DNAH11: variants seen among roughly 807,000 people sequenced by gnomAD.
DNAH11 encodes the protein axonemal beta dynein heavy chain 11.
DNAH11 carries 442 observed loss-of-function variants against 526.0 expected under a neutral mutation model. The observed-to-expected ratio is 0.84, with a 90% CI of 0.78 to 0.91. DNAH11 has a LOEUF of 0.91. Ranked by LOEUF, DNAH11 falls within the 40% of genes least tolerant of loss-of-function variation. DNAH11 has a pLI of 0.00. For synonymous variants in DNAH11, 2,461 were observed against 1,935.9 expected (o/e 1.27, Z -7.12); for missense variants, 6,989 against 5,448.7 (o/e 1.28, Z -8.90).
At chr7:21,793,191 T>C (rs1788550986) in intron 61 of DNAH11, among the ~76,000 whole-genome samples, 1 of 152,218 alleles carries the variant, frequency 6.6e-6, no homozygotes, top group Non-Finnish European at 1.5e-5. Flanking sequence ...TCCTCTTGTT[T>C]TTCATTTCTA....
chr7:21,599,694 G>T, intron 14 of DNAH11, 93 bp from the exon 15 acceptor site: 1 of 985,960 alleles, frequency 1.0e-6, no homozygotes, highest in Non-Finnish European at 1.4e-6. Flanking sequence ...CAACAATGCA[G>T]TCTCTTCTTT....
At chr7:21,586,912 A>G (rs568384149) in intron 9 of DNAH11, among the ~76,000 whole-genome samples, 1 of 152,172 alleles carries the variant, frequency 6.6e-6, no homozygotes, top group South Asian at 2.1e-4. Context: ...ACAAACCCGA[A>G]TGCTAGACTG....
chr7:21,625,532 C>T (rs1318308022), intron 25 of DNAH11, among the ~76,000 whole-genome samples: 2 of 151,854 alleles, frequency 1.3e-5, no homozygotes, highest in Non-Finnish European at 2.9e-5. Flanking sequence ...ATCATTTTTT[C>T]CTACTATTGA....
At chr7:21,778,465 G>A (rs1253329008) in intron 56 of DNAH11, among the ~76,000 whole-genome samples, 1 of 152,192 alleles carries the variant, frequency 6.6e-6, no homozygotes. Flanking sequence ...AGACCTATCA[G>A]TGGGCATTTT....
Position 21,875,688 on chromosome 7 carries a change from T to C in DNAH11, c.12195+2187T>C, listed in dbSNP as rs191507267. Among the ~76,000 whole-genome samples, 5 of 152,084 alleles carry C rather than the reference T, an allele frequency of 3.3e-5. No homozygotes were observed. In the East Asian group the frequency reaches 7.7e-4, roughly 23 times the overall value. Reference sequence around the variant, plus strand: ...AAAATAATAATAAGTGTTAAAAATATGTTGCATATAATGATAAAGATTCAC... The same window carrying C: ...AAAATAATAATAAGTGTTAAAAATACGTTGCATATAATGATAAAGATTCAC... On this transcript the variant is annotated intron_variant, in intron 74 of 81. Transcript: ENST00000409508.
chr7:21,650,457 T>C (rs940817826), intron 28 of DNAH11, among the ~76,000 whole-genome samples: 1 of 151,864 alleles, frequency 6.6e-6, no homozygotes, highest in African/African-American at 2.4e-5. Flanking sequence ...AAAATTGTAA[T>C]ATTCCTCTAC....
At chr7:21,650,901 A>C (rs189124347) in intron 28 of DNAH11, among the ~76,000 whole-genome samples, 41 of 151,952 alleles carry the variant, frequency 2.7e-4, no homozygotes, top group African/African-American at 9.2e-4. Flanking sequence ...CTGCCTCCCA[A>C]AGTGCTGGGA....
Position 21,880,804 on chromosome 7 carries a change from C to A in DNAH11, c.12298C>A (p.Gln4100Lys). 6.2e-7 allele frequency: 1 copy of A among 1,613,972 alleles called. No individual in the cohort carries two copies. The highest frequency in any genetic ancestry group is 8.5e-7 in the Non-Finnish European group (1 of 1,179,884). ...CVAGRLRFGP[Q>K]GWSRSYPFNP... ...TGCTGGGAGACTGAGGTTTGGCCCCCAGGGCTGGAGCCGAAGCTATCCTTT... is the reference window on the plus strand; with the variant it reads ...TGCTGGGAGACTGAGGTTTGGCCCCAAGGGCTGGAGCCGAAGCTATCCTTT... Residue 4100 changes from glutamine to lysine, a missense_variant, in exon 75 of 82, where the codon CAG becomes AAG. Coordinates refer to ENST00000409508, the MANE Select transcript of DNAH11 (RefSeq NM_001277115.2).
chr7:21,693,070 G>C (rs545996634), intron 35 of DNAH11, among the ~76,000 whole-genome samples: 161 of 151,906 alleles, frequency 1.1e-3, no homozygotes, highest in African/African-American at 3.5e-3. Context: ...ATTTTCTTTT[G>C]TCCATCAAAG....
chr7:21,619,775 G>GA (rs1389534597), intron 24 of DNAH11, among the ~76,000 whole-genome samples, 181 bp from the exon 25 acceptor site: 1 of 152,150 alleles, frequency 6.6e-6, no homozygotes, highest in African/African-American at 2.4e-5. Context: ...TACCTTTGAT[G>GA]TGATAAAATT....
chr7:21,733,363 C>T (rs1785465830), intron 45 of DNAH11, among the ~76,000 whole-genome samples: 2 of 152,044 alleles, frequency 1.3e-5, no homozygotes, highest in Non-Finnish European at 2.9e-5. Context: ...ACTCCAGCCT[C>T]AGCAACAAGA....
At position 21,784,509 on chromosome 7, in the gene DNAH11, C is replaced by T. The variant is rs767006890; in HGVS notation, c.9566C>T (p.Ala3189Val). The T allele has an allele frequency of 6.6e-5, 106 of 1,612,728 alleles. 1 individual carries two copies. In the Admixed American group the frequency reaches 1.7e-3, roughly 26 times the overall value. Residue 3189 changes from alanine (A) to valine (V), a missense_variant, in exon 58 of 82, where the codon GCT (alanine) becomes GTT (valine). Transcript: ENST00000409508. ...DLLKAEPALV[A>V]ATAALNTLNR... ...CTCAAGGCTGAGCCTGCACTGGTGG[C>T]TGCTACAGCTGCACTCAATACACTC...
intron 54 of DNAH11, among the ~76,000 whole-genome samples, chr7:21,764,253 G>A (rs1335532607): frequency 6.3e-5 from 9 of 143,480 alleles, no homozygotes; most frequent in African/African-American, 2.3e-4. Flanking sequence ...AATACACATG[G>A]CATATAAAAT....
At chr7:21,816,343 T>G (rs1335127458) in intron 63 of DNAH11, 124 bp from the exon 64 acceptor site, 1 of 741,316 alleles carries the variant, frequency 1.3e-6, no homozygotes, top group African/African-American at 1.8e-5. Flanking sequence ...CTTCTGAGAA[T>G]CCACAGAAAA....
intron 42 of DNAH11, among the ~76,000 whole-genome samples, chr7:21,716,342 AATTT>A (rs1393034739): frequency 2.0e-5 from 3 of 152,150 alleles, no homozygotes; most frequent in Non-Finnish European, 2.9e-5. Flanking sequence ...GTTTATTGAG[AATTT>A]ATTTGTCAGA....
chr7:21,612,792 ACAAT>A (rs964819600), intron 20 of DNAH11, among the ~76,000 whole-genome samples: 12 of 152,344 alleles, frequency 7.9e-5, no homozygotes, highest in East Asian at 5.8e-4. Flanking sequence ...ACTAAACAAA[ACAAT>A]CAAATTATAC....
At chr7:21,877,847 C>T (rs1308846130) in intron 74 of DNAH11, among the ~76,000 whole-genome samples, 1 of 128,952 alleles carries the variant, frequency 7.8e-6, no homozygotes, top group Non-Finnish European at 1.6e-5. Flanking sequence ...TGCACTCCAG[C>T]CTGGGCAACA....
chr7:21,871,031 A>C (rs1173566325), intron 73 of DNAH11, among the ~76,000 whole-genome samples: 1 of 152,206 alleles, frequency 6.6e-6, no homozygotes, highest in Non-Finnish European at 1.5e-5. Context: ...ATTTACATTA[A>C]ATTACATTAA....
intron 25 of DNAH11, among the ~76,000 whole-genome samples, chr7:21,625,215 T>G (rs1055040116): frequency 6.6e-6 from 1 of 152,148 alleles, no homozygotes; most frequent in Admixed American, 6.5e-5. Flanking sequence ...GTGTCTTTAC[T>G]CATCTGTTGA....
Sources: gnomAD v4.1 joint callset for allele counts (sites outside exome capture counted in the v4.1 genomes callset) on GRCh38, gnomAD v4.1.1 for gene constraint, MANE v1.5 for transcripts, NCBI Gene and HGNC (gene_info 2026-07-23, HGNC 2026-07-21) for gene names.